The following PALM2AKAP2 variants were observed in gnomAD, a reference collection of about 807,000 sequenced individuals.
PALM2AKAP2 encodes PALM2-AKAP2 fusion protein.
In PALM2AKAP2, 37 loss-of-function variants were observed where a neutral mutation model predicts 71.5. That is an observed-to-expected ratio of 0.52 (90% CI 0.40 to 0.68). The LOEUF (loss-of-function observed/expected upper bound fraction) is 0.68, where lower values mean the gene tolerates loss of function less well. Ranked by LOEUF, PALM2AKAP2 falls within the 30% of genes least tolerant of loss-of-function variation. The pLI is 0.00. For synonymous variants in PALM2AKAP2, 468 were observed against 478.8 expected (o/e 0.98, Z 0.29); for missense variants, 1,224 against 1,191.8 (o/e 1.03, Z -0.40).
At chr9:110,041,657 A>G (rs2132461650) in intron 7 of PALM2AKAP2, among the ~76,000 whole-genome samples, 1 of 152,322 alleles carries the variant, frequency 6.6e-6, no homozygotes, top group East Asian at 1.9e-4. Context: ...CTGGAGAGGA[A>G]ATAAAGGAAA....
intron 6 of PALM2AKAP2, among the ~76,000 whole-genome samples, chr9:110,015,311 C>T (rs531196313): frequency 1.4e-3 from 214 of 152,202 alleles, no homozygotes; most frequent in African/African-American, 4.6e-3. Flanking sequence ...AAGAAGAGTT[C>T]GTGGAGAAGA....
At chr9:109,738,909 T>G (rs1212649932) in intron 1 of PALM2AKAP2, among the ~76,000 whole-genome samples, 1 of 152,218 alleles carries the variant, frequency 6.6e-6, no homozygotes, top group African/African-American at 2.4e-5. Flanking sequence ...ATCTGCTCTT[T>G]ATTCCAAGAG....
At chr9:109,768,064 T>G (rs13283307) in intron 1 of PALM2AKAP2, among the ~76,000 whole-genome samples, 2 of 48,448 alleles carry the variant, frequency 4.1e-5, no homozygotes, top group Non-Finnish European at 3.5e-5. Flanking sequence ...AGAAAAACAG[T>G]GAAGGAAGGA....
chr9:109,869,897 G>A (rs1829560435), intron 2 of PALM2AKAP2, among the ~76,000 whole-genome samples: 1 of 152,140 alleles, frequency 6.6e-6, no homozygotes, highest in African/African-American at 2.4e-5. Context: ...GGGAGGACTG[G>A]AGGTGATGGT....
chr9:110,046,744 A>G (rs1304216025), upstream of PALM2AKAP2, among the ~76,000 whole-genome samples: 1 of 152,220 alleles, frequency 6.6e-6, no homozygotes, highest in Non-Finnish European at 1.5e-5. Flanking sequence ...CTGGGATTAC[A>G]GGCGTGAGCC....
intron 6 of PALM2AKAP2, among the ~76,000 whole-genome samples, chr9:109,950,138 A>G (rs1831602374): frequency 1.3e-5 from 2 of 152,108 alleles, no homozygotes; most frequent in African/African-American, 4.8e-5. Context: ...ACTAAAAAAT[A>G]TAAAAATTAG....
intron 6 of PALM2AKAP2, among the ~76,000 whole-genome samples, chr9:109,948,688 A>G (rs964235008): frequency 6.6e-6 from 1 of 152,236 alleles, no homozygotes; most frequent in African/African-American, 2.4e-5. Context: ...TACAAAAAAT[A>G]AAAATAAAAA....
intron 1 of PALM2AKAP2, among the ~76,000 whole-genome samples, chr9:109,799,784 C>T (rs10816874): frequency 0.18 from 27,106 of 152,164 alleles, 2,817 homozygotes; most frequent in East Asian, 0.35. Flanking sequence ...CATGAACCAC[C>T]GCGTCGGCCA....
At chr9:110,109,554 C>A (rs1040054567) in intron 1 of PALM2AKAP2, among the ~76,000 whole-genome samples, 1 of 152,086 alleles carries the variant, frequency 6.6e-6, no homozygotes, top group Non-Finnish European at 1.5e-5. Flanking sequence ...GAAGGCAAAC[C>A]CTGCCCTCAG....
chr9:110,155,777 C>G (rs1172262204), intron 2 of PALM2AKAP2, among the ~76,000 whole-genome samples: 2 of 152,228 alleles, frequency 1.3e-5, no homozygotes, highest in Non-Finnish European at 2.9e-5. Context: ...TTTTATAACA[C>G]TGGGCTGTCT....
chr9:110,136,451 A>T lies in PALM2AKAP2; in HGVS notation c.481A>T (p.Thr161Ser), dbSNP rs749447871. 2.5e-6 allele frequency: 4 copies of T among 1,614,202 alleles called. 1 individual carries two copies. Among genetic ancestry groups the T allele is most frequent in the Middle Eastern group, 3.3e-4 (2 of 6,062 alleles). ...CTGCTGTGATTCTGCTGTGGATGGA[A>T]CGTACAATGGAACATCCTCCCCAGA... Residue 161 changes from threonine (T) to serine (S), a missense_variant, in exon 2 of 4, where the codon ACG (threonine) becomes TCG (serine). By Grantham distance (58) the Thr-to-Ser change is moderately conservative (BLOSUM62 1). Coordinates refer to ENST00000374525, the Ensembl canonical transcript of PALM2AKAP2.
chr9:109,773,398 A>G (rs890669106), intron 1 of PALM2AKAP2, among the ~76,000 whole-genome samples: 5 of 152,106 alleles, frequency 3.3e-5, no homozygotes, highest in African/African-American at 1.2e-4. Context: ...CAGCCTCCCA[A>G]AGTGCTGGGA....
At chr9:109,965,111 T>C (rs1588035977) in intron 6 of PALM2AKAP2, among the ~76,000 whole-genome samples, 1 of 152,230 alleles carries the variant, frequency 6.6e-6, no homozygotes. Flanking sequence ...AGGAAAACAG[T>C]ATTTATAAGC....
At chr9:109,651,111 C>A (rs1048780056) in intron 1 of PALM2AKAP2, among the ~76,000 whole-genome samples, 4 of 152,118 alleles carry the variant, frequency 2.6e-5, no homozygotes, top group African/African-American at 9.7e-5. Flanking sequence ...GTGAGGCTGA[C>A]CTCTATGGAC....
chr9:109,862,092 G>A (rs943348862), intron 1 of PALM2AKAP2, among the ~76,000 whole-genome samples: 10 of 152,148 alleles, frequency 6.6e-5, no homozygotes, highest in Non-Finnish European at 8.8e-5. Flanking sequence ...ATAGTTAAGT[G>A]TATAAAGTGC....
chr9:110,037,972 C>T (rs931178654), intron 7 of PALM2AKAP2, among the ~76,000 whole-genome samples: 1 of 152,042 alleles, frequency 6.6e-6, no homozygotes, highest in Admixed American at 6.6e-5. Flanking sequence ...AGGGATCAAG[C>T]CCAAGTCATT....
intron 3 of PALM2AKAP2, among the ~76,000 whole-genome samples, chr9:109,889,968 T>G (rs1307477046): frequency 6.6e-6 from 1 of 152,242 alleles, no homozygotes; most frequent in Non-Finnish European, 1.5e-5. Context: ...TTTTGGCCTA[T>G]GATTGCCACA....
chr9:109,684,805 C>T (rs1268148309), intron 1 of PALM2AKAP2, among the ~76,000 whole-genome samples: 1 of 152,062 alleles, frequency 6.6e-6, no homozygotes, highest in Non-Finnish European at 1.5e-5. Flanking sequence ...AGGTATTTAC[C>T]TAAGAGAAGT....
chr9:110,041,597 T>C (rs1007698211), intron 7 of PALM2AKAP2, among the ~76,000 whole-genome samples: 1 of 152,020 alleles, frequency 6.6e-6, no homozygotes, highest in Non-Finnish European at 1.5e-5. Flanking sequence ...AGGAAATAAA[T>C]GTGGAACAGG....
Sources: allele counts gnomAD v4.1 joint callset (sites outside exome capture counted in the v4.1 genomes callset), GRCh38; gene constraint gnomAD v4.1.1; transcripts MANE v1.5; gene names NCBI Gene and HGNC (gene_info 2026-07-23, HGNC 2026-07-21).